Variants in CDH12 observed in about 807,000 individuals in gnomAD.
CDH12 encodes cadherin 12.
A neutral mutation model predicts 74.1 loss-of-function variants in CDH12; 41 were observed. The observed-to-expected ratio is 0.55, with a 90% confidence interval of 0.43 to 0.72. The LOEUF (loss-of-function observed/expected upper bound fraction) is 0.72. CDH12 is among the 30% of genes least tolerant of loss of function. The pLI is 0.00. For missense variants in CDH12, 945 were observed against 977.2 expected, an observed-to-expected ratio of 0.97 and a Z score of 0.44; for synonymous variants, 399 against 355.0, an observed-to-expected ratio of 1.12 and a Z score of -1.39.
intron 1 of CDH12, among the ~76,000 whole-genome samples, chr5:22,800,855 T>C (rs1748473298): frequency 6.6e-6 from 1 of 152,188 alleles, no homozygotes; most frequent in Non-Finnish European, 1.5e-5. Flanking sequence ...GGTTCCTCCT[T>C]GTCTTTTCAC....
At chr5:22,467,129 T>G (rs1246289927) in intron 2 of CDH12, among the ~76,000 whole-genome samples, 1 of 152,136 alleles carries the variant, frequency 6.6e-6, no homozygotes, top group Non-Finnish European at 1.5e-5. Flanking sequence ...TCAGGAGAGT[T>G]CTGTGTTTGA....
intron 6 of CDH12, among the ~76,000 whole-genome samples, chr5:21,872,659 C>T (rs983044792): frequency 3.9e-5 from 6 of 152,072 alleles, no homozygotes; most frequent in Non-Finnish European, 7.4e-5. Flanking sequence ...AGTTTTGATG[C>T]AAATGTATTT....
intron 1 of CDH12, among the ~76,000 whole-genome samples, chr5:22,828,571 G>A (rs1426842744): frequency 2.0e-5 from 3 of 152,146 alleles, no homozygotes; most frequent in East Asian, 1.9e-4. Flanking sequence ...CAATAACAGC[G>A]TGTGGTGGAA....
intron 1 of CDH12, among the ~76,000 whole-genome samples, chr5:22,775,341 C>T (rs1254988899): frequency 6.6e-6 from 1 of 151,938 alleles, no homozygotes; most frequent in Admixed American, 6.6e-5. Context: ...GACACAAAAT[C>T]ACAGTCCATA....
chr5:22,316,467 C>T (rs909638549), intron 3 of CDH12, among the ~76,000 whole-genome samples: 4 of 151,868 alleles, frequency 2.6e-5, no homozygotes, highest in African/African-American at 9.7e-5. Flanking sequence ...TATTTTGTTC[C>T]CTTAGGCCCA....
At chr5:21,953,443 T>C (rs1317954126) in intron 6 of CDH12, among the ~76,000 whole-genome samples, 2 of 152,220 alleles carry the variant, frequency 1.3e-5, no homozygotes, top group African/African-American at 4.8e-5. Flanking sequence ...TCACTTATAC[T>C]GGCTCTGAAT....
At chr5:21,889,578 A>G in intron 6 of CDH12, 1 of 985,298 alleles carries the variant, frequency 1.0e-6, no homozygotes. Flanking sequence ...GAAACAAAAT[A>G]TTTTACCTAA....
chr5:22,745,616 G>A (rs1237905767), intron 1 of CDH12, among the ~76,000 whole-genome samples: 3 of 152,096 alleles, frequency 2.0e-5, no homozygotes, highest in Admixed American at 6.6e-5. Flanking sequence ...CATCCTTTGC[G>A]GAGACATGAA....
chr5:22,073,908 A>G (rs1742124236), intron 5 of CDH12, among the ~76,000 whole-genome samples: 1 of 152,142 alleles, frequency 6.6e-6, no homozygotes, highest in African/African-American at 2.4e-5. Flanking sequence ...TGGGAACTAT[A>G]CAAATTAATG....
chr5:22,737,425 T>C (rs545406042), intron 1 of CDH12, among the ~76,000 whole-genome samples: 16 of 152,042 alleles, frequency 1.1e-4, no homozygotes, highest in Middle Eastern at 3.4e-3. Flanking sequence ...TCAGAAACAC[T>C]TTTTTTAGCT....
intron 8 of CDH12, among the ~76,000 whole-genome samples, chr5:21,840,182 G>C (rs1005880132): frequency 2.0e-5 from 3 of 152,078 alleles, no homozygotes; most frequent in Non-Finnish European, 4.4e-5. Flanking sequence ...TTAATTATAT[G>C]ACATAGCATC....
chr5:22,477,199 T>C (rs1479568428), intron 2 of CDH12, among the ~76,000 whole-genome samples: 2 of 152,168 alleles, frequency 1.3e-5, no homozygotes, highest in African/African-American at 2.4e-5. Context: ...TTAACCCTAG[T>C]TAATCTAAAA....
chr5:22,508,964 T>G (rs1561456384), intron 1 of CDH12, among the ~76,000 whole-genome samples: 3 of 152,132 alleles, frequency 2.0e-5, no homozygotes, highest in Non-Finnish European at 4.4e-5. Context: ...TTCAAATATT[T>G]TACAAATATT....
intron 2 of CDH12, among the ~76,000 whole-genome samples, chr5:22,471,917 A>G (rs572239348): frequency 5.3e-4 from 80 of 152,322 alleles, no homozygotes; most frequent in African/African-American, 1.8e-3. Flanking sequence ...TTTATTCAAG[A>G]GAAGTGAGAT....
chr5:22,304,348 G>T (rs1366967432), intron 3 of CDH12, among the ~76,000 whole-genome samples: 1 of 152,088 alleles, frequency 6.6e-6, no homozygotes, highest in Non-Finnish European at 1.5e-5. Context: ...AAGAAAGGGG[G>T]TGTGTGTGCA....
intron 3 of CDH12, among the ~76,000 whole-genome samples, chr5:22,221,412 T>C (rs1228053206): frequency 1.3e-5 from 2 of 151,874 alleles, no homozygotes; most frequent in African/African-American, 4.8e-5. Context: ...TCTGTAAATG[T>C]GTCAGTGTTG....
intron 3 of CDH12, among the ~76,000 whole-genome samples, chr5:22,277,790 C>T (rs1016423616): frequency 2.6e-5 from 4 of 152,102 alleles, no homozygotes; most frequent in Non-Finnish European, 4.4e-5. Context: ...GCCGAGATTG[C>T]GCCATTGCAC....
intron 4 of CDH12, among the ~76,000 whole-genome samples, chr5:22,117,092 T>A (rs76495008): frequency 8.6e-4 from 130 of 151,864 alleles, no homozygotes; most frequent in African/African-American, 3.0e-3. Context: ...CTGGAGTTCG[T>A]AAACTCACTC....
chr5:22,738,325 G>T (rs909285656), intron 1 of CDH12, among the ~76,000 whole-genome samples: 2 of 151,946 alleles, frequency 1.3e-5, no homozygotes, highest in African/African-American at 2.4e-5. Context: ...GTTTCCTGTG[G>T]TCAGAGACAC....
Sources: allele counts gnomAD v4.1 joint callset (sites outside exome capture counted in the v4.1 genomes callset), GRCh38; gene constraint gnomAD v4.1.1; transcripts MANE v1.5; gene names NCBI Gene and HGNC (gene_info 2026-07-23, HGNC 2026-07-21).